Variants in ABCA13 observed in about 807,000 individuals in gnomAD.
ABCA13 encodes the protein ATP-binding cassette sub-family A member 13.
ABCA13 carries 476 observed loss-of-function variants against 478.7 expected under a neutral mutation model. The ratio of observed to expected loss-of-function variants is 0.99; its 90% CI spans 0.92 to 1.07. The LOEUF is 1.07. ABCA13 is among the 50% of genes least tolerant of loss of function. The probability of loss-of-function intolerance (pLI) is 0.00; values close to 1 mark genes in which losing one functional copy is unlikely to be tolerated. For synonymous variants in ABCA13, 2,252 were observed against 2,158.9 expected (o/e 1.04, Z -1.20); for missense variants, 6,060 against 5,910.6 (o/e 1.03, Z -0.83).
intron 59 of ABCA13, among the ~76,000 whole-genome samples, chr7:48,638,002 C>T (rs573530884): frequency 6.6e-6 from 1 of 152,286 alleles, no homozygotes; most frequent in African/African-American, 2.4e-5. Flanking sequence ...CATACACCTG[C>T]ATGTACACAG....
chr7:48,416,932 G>A (rs1448983922), intron 41 of ABCA13, among the ~76,000 whole-genome samples: 1 of 148,380 alleles, frequency 6.7e-6, no homozygotes, highest in African/African-American at 2.5e-5. Flanking sequence ...CTGCATCACT[G>A]CATATACCTT....
chr7:48,411,280 C>T (rs374892704), intron 40 of ABCA13, among the ~76,000 whole-genome samples: 12,105 of 80,474 alleles, frequency 0.15, 1,458 homozygotes, highest in Non-Finnish European at 0.19. Context: ...TCCCTCCCTC[C>T]TCCTTCCTTC....
chr7:48,279,614 T>G lies in ABCA13; in HGVS notation c.8420T>G (p.Ile2807Arg), dbSNP rs749142152. ...TTTGACACACCTTTGAGTCAGAATA[T>G]AACTCATCATCAACTTGAAAAAGCA... ...LYFDTPLSQNITHHQLEKAIH... is the reference protein window; with the variant it reads ...LYFDTPLSQNRTHHQLEKAIH... Residue 2807 changes from isoleucine to arginine, a missense_variant, in exon 18 of 62, where the codon ATA becomes AGA. By Grantham distance (97) the Ile-to-Arg change is moderately conservative. Transcript: ENST00000435803. 5.6e-6 allele frequency: 9 copies of G among 1,612,944 alleles called. No homozygotes were observed. The highest frequency in any genetic ancestry group is 7.6e-6 in the Non-Finnish European group (9 of 1,179,518).
chr7:48,589,955 G>A (rs886934592), intron 57 of ABCA13, among the ~76,000 whole-genome samples: 1 of 152,180 alleles, frequency 6.6e-6, no homozygotes, highest in Non-Finnish European at 1.5e-5. Context: ...TAGGGATTGA[G>A]TTTTAACATG....
chr7:48,571,877 A>G (rs1361557590), intron 55 of ABCA13, among the ~76,000 whole-genome samples: 1 of 152,160 alleles, frequency 6.6e-6, no homozygotes, highest in Non-Finnish European at 1.5e-5. Context: ...AAAACTTTAA[A>G]TATTTTATGA....
At chr7:48,620,173 A>T (rs1793000000) in intron 59 of ABCA13, among the ~76,000 whole-genome samples, 1 of 132,724 alleles carries the variant, frequency 7.5e-6, no homozygotes, top group Non-Finnish European at 1.6e-5. Context: ...AAATAGCGAA[A>T]TATCTTAGAC....
intron 47 of ABCA13, among the ~76,000 whole-genome samples, chr7:48,485,651 C>T (rs965915108): frequency 1.3e-5 from 2 of 152,200 alleles, no homozygotes; most frequent in Non-Finnish European, 2.9e-5. Flanking sequence ...CTCTGCAAGT[C>T]AATCATTTAT....
intron 41 of ABCA13, among the ~76,000 whole-genome samples, chr7:48,425,802 G>A (rs952832990): frequency 6.6e-6 from 1 of 151,886 alleles, no homozygotes; most frequent in African/African-American, 2.4e-5. Flanking sequence ...GTGCAGTGGC[G>A]CAATCTCGGC....
At chr7:48,522,765 T>G (rs1239401101) in intron 53 of ABCA13, among the ~76,000 whole-genome samples, 1 of 152,186 alleles carries the variant, frequency 6.6e-6, no homozygotes, top group Non-Finnish European at 1.5e-5. Context: ...CCTAGAACTC[T>G]GCAATGAGAA....
intron 41 of ABCA13, among the ~76,000 whole-genome samples, chr7:48,419,572 C>T (rs752621847): frequency 2.6e-4 from 39 of 152,036 alleles, no homozygotes; most frequent in Non-Finnish European, 4.3e-4. Flanking sequence ...TTTTTAAATC[C>T]AGGATTCATG....
chr7:48,456,348 T>A (rs1825670696), intron 43 of ABCA13, among the ~76,000 whole-genome samples: 1 of 152,194 alleles, frequency 6.6e-6, no homozygotes, highest in Admixed American at 6.5e-5. Context: ...AAAGTAAAAA[T>A]CTATGGTAAA....
In ABCA13 at chr7:48,392,122, G is replaced by A; in HGVS notation, c.11856G>A (p.Leu3952=). ...CGCCTCAGTGGACCAAGAAGGAGCT[G>A]CATCAGCAAGTCAATCAGTTAGTAA... The part of the protein sequence containing the change: ...IKAPQWTKKE[L]HQQVNQTLQD... Residue 3952 remains leucine, a synonymous_variant, in exon 38 of 62, where the codon CTG becomes CTA. Transcript: ENST00000435803. The A allele has an allele frequency of 6.2e-7, 1 of 1,613,826 alleles. No individual in the cohort carries two copies. The highest frequency in any genetic ancestry group is 8.5e-7 in the Non-Finnish European group (1 of 1,179,868).
intron 13 of ABCA13, 69 bp from the exon 14 acceptor site, chr7:48,248,170 G>T: frequency 7.5e-7 from 1 of 1,333,038 alleles, no homozygotes; most frequent in Non-Finnish European, 1.0e-6. Context: ...CAGGGTCAAG[G>T]CTGCGTCTCA....
At chr7:48,379,880 G>A (rs1814078679) in intron 35 of ABCA13, among the ~76,000 whole-genome samples, 1 of 152,184 alleles carries the variant, frequency 6.6e-6, no homozygotes, top group South Asian at 2.1e-4. Flanking sequence ...CATGGGGCAG[G>A]TAATGACAAA....
chr7:48,325,030 C>T (rs1804108799), intron 27 of ABCA13, among the ~76,000 whole-genome samples: 1 of 152,188 alleles, frequency 6.6e-6, no homozygotes, highest in African/African-American at 2.4e-5. Context: ...TCACTAGAGA[C>T]CTCCTCTGTC....
intron 42 of ABCA13, among the ~76,000 whole-genome samples, chr7:48,431,685 G>A (rs1477788012): frequency 2.0e-5 from 3 of 152,028 alleles, no homozygotes; most frequent in Admixed American, 2.0e-4. Flanking sequence ...GCTCTGTTAG[G>A]TACATAAATC....
chr7:48,507,788 G>T, intron 49 of ABCA13, 84 bp from the exon 50 acceptor site: 3 of 1,425,308 alleles, frequency 2.1e-6, no homozygotes, highest in Non-Finnish European at 2.8e-6. Context: ...AGTTTTCACT[G>T]CTGTCATCAT....
At chr7:48,203,005 G>A (rs905539638) in intron 3 of ABCA13, among the ~76,000 whole-genome samples, 12 of 152,208 alleles carry the variant, frequency 7.9e-5, no homozygotes, top group African/African-American at 2.9e-4. Flanking sequence ...AGGAACCCAC[G>A]GAGGTGGGGG....
intron 54 of ABCA13, among the ~76,000 whole-genome samples, chr7:48,527,954 C>T (rs1025511769): frequency 6.6e-6 from 1 of 152,072 alleles, no homozygotes; most frequent in Non-Finnish European, 1.5e-5. Flanking sequence ...ACTTCTCATC[C>T]TCTTGAGTTT....
Sources: gnomAD v4.1 joint callset for allele counts (sites outside exome capture counted in the v4.1 genomes callset) on GRCh38, gnomAD v4.1.1 for gene constraint, MANE v1.5 for transcripts, NCBI Gene and HGNC (gene_info 2026-07-23, HGNC 2026-07-21) for gene names.